The following CNNM1 variants were observed in gnomAD, a reference collection of about 807,000 sequenced individuals.
The protein encoded by CNNM1 is metal transporter CNNM1.
In CNNM1, 44 loss-of-function variants were observed where a neutral mutation model predicts 78.8. That is an observed-to-expected ratio of 0.56 (90% CI 0.44 to 0.72). The LOEUF (loss-of-function observed/expected upper bound fraction) is 0.72. Among genes scored for constraint, CNNM1 ranks in the 30% least tolerant of loss-of-function variants. The probability of loss-of-function intolerance (pLI) is 0.00; values close to 1 mark genes in which losing one functional copy is unlikely to be tolerated. For synonymous variants in CNNM1, 584 were observed against 581.5 expected (o/e 1.00, Z -0.06); for missense variants, 1,101 against 1,292.2 (o/e 0.85, Z 2.27).
At position 99,330,261 on chromosome 10, in the gene CNNM1, G is replaced by T. The variant is rs1403199276; in HGVS notation, c.874G>T (p.Gly292Ter). 1.3e-6 allele frequency: 2 copies of T among 1,555,206 alleles called. No homozygotes were observed. Among genetic ancestry groups the T allele is most frequent in the East Asian group, 2.3e-5 (1 of 42,558 alleles). ...CTGCACCCTACTCCTGGGCCAAGCCGGAGCCAACGCGGCCCTGGCTGGCTG... is the reference window on the plus strand; with the variant it reads ...CTGCACCCTACTCCTGGGCCAAGCCTGAGCCAACGCGGCCCTGGCTGGCTG... ...LLCTLLLGQA[G>*]ANAALAGWLY... Residue 292 changes from glycine (G) to a stop codon, truncating the protein, a stop_gained, in exon 1 of 11, where the codon GGA becomes TGA. Transcript: ENST00000356713. LOFTEE classifies it high-confidence loss of function.
intron 10 of CNNM1, among the ~76,000 whole-genome samples, 179 bp downstream of exon 10, chr10:99,390,586 G>T (rs968913016): frequency 7.2e-5 from 11 of 152,176 alleles, no homozygotes; most frequent in Non-Finnish European, 1.5e-4. Context: ...GATAGTTTTG[G>T]GATCTGTCCC....
Position 99,338,927 on chromosome 10 carries a change from A to G in CNNM1, c.1573+7967A>G, listed in dbSNP as rs181825739. 3.3e-5 allele frequency among the ~76,000 whole-genome samples: 5 copies of G among 152,326 alleles called. No homozygotes were observed. In the East Asian group the frequency reaches 9.6e-4, roughly 29 times the overall value. On this transcript the variant is annotated intron_variant, in intron 1 of 10. Transcript: ENST00000356713. The stretch of plus-strand genomic sequence containing the variant: ...GCTATAATTTGGGAAGACTAATTTT[A>G]AAAATGGAGCCGTAGAGATTTATCA...
chr10:99,353,289 T>C (rs2031013183), intron 1 of CNNM1, among the ~76,000 whole-genome samples: 1 of 151,928 alleles, frequency 6.6e-6, no homozygotes, highest in Non-Finnish European at 1.5e-5. Context: ...CTGTTGCCTC[T>C]CAGGGAGATT....
At chr10:99,342,128 C>T (rs2030484684) in intron 1 of CNNM1, among the ~76,000 whole-genome samples, 2 of 152,168 alleles carry the variant, frequency 1.3e-5, no homozygotes, top group South Asian at 4.1e-4. Context: ...TAAGTGAATA[C>T]CATGTTGAGA....
intron 1 of CNNM1, among the ~76,000 whole-genome samples, chr10:99,351,991 C>T (rs1397592000): frequency 6.6e-6 from 1 of 152,144 alleles, no homozygotes; most frequent in Non-Finnish European, 1.5e-5. Context: ...ATAGGATTCA[C>T]GTACCATAAA....
Position 99,329,654 on chromosome 10 carries a change from A to C in CNNM1, c.267A>C (p.Ser89=). 6.5e-7 allele frequency: 1 copy of C among 1,549,110 alleles called. No homozygotes were observed. Among genetic ancestry groups the C allele is most frequent in the Non-Finnish European group, 8.6e-7 (1 of 1,156,454 alleles). Residue 89 remains serine (S), a synonymous_variant, in exon 1 of 11, where the codon TCA becomes TCC. Transcript: ENST00000356713. ...GPPATAAPVP[S]PTLNSGENGT... ...CGGCCACCGCCGCACCGGTGCCCTC[A>C]CCGACCCTCAACTCGGGGGAGAATG... is the stretch of plus-strand genomic sequence containing the variant.
intron 1 of CNNM1, among the ~76,000 whole-genome samples, chr10:99,352,816 C>T (rs1030105336): frequency 1.3e-5 from 2 of 151,546 alleles, no homozygotes; most frequent in African/African-American, 4.8e-5. Flanking sequence ...TTTTACCTTT[C>T]TTGGTGGTGT....
In CNNM1 at chr10:99,377,072, C is replaced by T. The variant is rs1050256791; in HGVS notation, c.2194C>T (p.Arg732Cys). 1.4e-5 allele frequency: 21 copies of T among 1,551,488 alleles called. No homozygotes were observed. Among genetic ancestry groups the T allele is most frequent in the Non-Finnish European group, 1.6e-5 (18 of 1,145,826 alleles). Residue 732 changes from arginine to cysteine, a missense_variant, in exon 7 of 11, where the codon CGC (arginine) becomes TGC (cysteine). This residue lies in a region of CNNM1 where 348 missense variants were observed against 384.5 expected (regional missense o/e 0.90). Transcript: ENST00000356713. ...SSVFLNRSPS[R>C]CSGLNRSESP... The stretch of plus-strand genomic sequence containing the variant: ...ATCTGCAGTAAACCGGTCCCCTTCT[C>T]GCTGCAGTGGGTTGAATCGCTCTGA...
At chr10:99,340,173 T>G (rs1251378332) in intron 1 of CNNM1, among the ~76,000 whole-genome samples, 1 of 152,222 alleles carries the variant, frequency 6.6e-6, no homozygotes, top group Non-Finnish European at 1.5e-5. Context: ...TTTTTTTCCT[T>G]TAAACATTTT....
At chr10:99,381,438 G>A (rs1291596756) in intron 7 of CNNM1, among the ~76,000 whole-genome samples, 1 of 147,246 alleles carries the variant, frequency 6.8e-6, no homozygotes, top group Non-Finnish European at 1.5e-5. Flanking sequence ...AAAAAAAAGA[G>A]TGTTATTCAA....
chr10:99,385,931 A>G (rs2032290648), intron 7 of CNNM1, among the ~76,000 whole-genome samples: 1 of 152,206 alleles, frequency 6.6e-6, no homozygotes, highest in Non-Finnish European at 1.5e-5. Flanking sequence ...TGGGCTTACC[A>G]AGTGTCATTT....
chr10:99,352,691 G>A (rs2030991685), intron 1 of CNNM1, among the ~76,000 whole-genome samples: 1 of 151,976 alleles, frequency 6.6e-6, no homozygotes, highest in South Asian at 2.1e-4. Flanking sequence ...CAAATCTTTT[G>A]CTCACTTTTT....
intron 1 of CNNM1, among the ~76,000 whole-genome samples, chr10:99,339,643 C>T (rs2030349879): frequency 6.6e-6 from 1 of 152,144 alleles, no homozygotes. Context: ...CAAACCATGC[C>T]CCCTCCCACC....
At chr10:99,331,240 A>G (rs1200619750) in intron 1 of CNNM1, among the ~76,000 whole-genome samples, 1 of 152,142 alleles carries the variant, frequency 6.6e-6, no homozygotes, top group Non-Finnish European at 1.5e-5. Flanking sequence ...AAGGCCTACC[A>G]AATGTCAGAT....
At chr10:99,370,819 C>T (rs868614943) in intron 6 of CNNM1, among the ~76,000 whole-genome samples, 7 of 152,114 alleles carry the variant, frequency 4.6e-5, no homozygotes, top group East Asian at 1.9e-4. Context: ...AAATCTCAAC[C>T]GTATCTTATA....
intron 1 of CNNM1, among the ~76,000 whole-genome samples, chr10:99,348,877 C>G (rs2030817973): frequency 6.8e-6 from 1 of 146,822 alleles, no homozygotes; most frequent in South Asian, 2.3e-4. Context: ...CATTGCAAAG[C>G]CCCATCTCTA....
intron 1 of CNNM1, among the ~76,000 whole-genome samples, chr10:99,340,876 T>TCCTGCCTGCCTGCCTGCCTGGCTGCCTG (rs2030426767): frequency 2.9e-5 from 4 of 138,156 alleles, no homozygotes; most frequent in African/African-American, 1.2e-4. Flanking sequence ...CTTCCTTCCT[T>TCCTGCCTGCCTGCCTGCCTGGCTGCCTG]CCTGCCTGCC....
chr10:99,376,475 A>G lies in CNNM1; in HGVS notation c.2177-580A>G, dbSNP rs1334608407. 2.0e-5 allele frequency among the ~76,000 whole-genome samples: 3 copies of G among 152,196 alleles called. No homozygotes were observed. The South Asian group carries it at 6.2e-4, about 32-fold the overall frequency. Reference sequence around the variant, plus strand: ...CCTGCCAATGTGGGGGCAGGCCTGAATGCTTCCCACTAAAATGTATGGCCA... The same window carrying G: ...CCTGCCAATGTGGGGGCAGGCCTGAGTGCTTCCCACTAAAATGTATGGCCA... On this transcript the variant is annotated intron_variant, in intron 6 of 10. Transcript: ENST00000356713.
chr10:99,335,449 G>A (rs190956632), intron 1 of CNNM1, among the ~76,000 whole-genome samples: 7 of 152,274 alleles, frequency 4.6e-5, no homozygotes, highest in East Asian at 1.9e-4. Context: ...TATAGTGACC[G>A]CCATGGCTAG....
Sources: allele counts gnomAD v4.1 joint callset (sites outside exome capture counted in the v4.1 genomes callset), GRCh38; gene constraint gnomAD v4.1.1; regional missense constraint gnomAD v4.1.1; transcripts MANE v1.5; gene names NCBI Gene and HGNC (gene_info 2026-07-23, HGNC 2026-07-21).